SUPT3H: variants seen among roughly 807,000 people sequenced by gnomAD.
The protein encoded by SUPT3H is transcription initiation protein SPT3 homolog.
In SUPT3H, 44 loss-of-function variants were observed where a neutral mutation model predicts 44.3. The ratio of observed to expected loss-of-function variants is 0.99; its 90% CI spans 0.78 to 1.28. The LOEUF (loss-of-function observed/expected upper bound fraction) is 1.28. Among genes scored for constraint, SUPT3H ranks in the 50% most tolerant of loss-of-function variants. The pLI, the probability that SUPT3H is intolerant of heterozygous loss-of-function variation, is 0.00. For missense variants in SUPT3H, 380 were observed against 387.1 expected (o/e 0.98, Z 0.15); for synonymous variants, 124 against 125.6 (o/e 0.99, Z 0.09).
chr6:45,199,821 C>G (rs1762193170), intron 2 of SUPT3H, among the ~76,000 whole-genome samples: 1 of 151,290 alleles, frequency 6.6e-6, no homozygotes, highest in African/African-American at 2.4e-5. Flanking sequence ...TTTTTGCAAT[C>G]AATACATGAC....
intron 9 of SUPT3H, among the ~76,000 whole-genome samples, chr6:44,933,375 A>G (rs1005088647): frequency 2.0e-5 from 3 of 152,172 alleles, no homozygotes; most frequent in Non-Finnish European, 4.4e-5. Context: ...TACAAAAAAG[A>G]TAAGGATTAT....
chr6:45,161,345 A>C (rs1477995280), intron 2 of SUPT3H, among the ~76,000 whole-genome samples: 1 of 152,154 alleles, frequency 6.6e-6, no homozygotes. Flanking sequence ...GAGCCCCAAA[A>C]GAATAGTTCA....
At chr6:45,197,783 G>C (rs1344547411) in intron 2 of SUPT3H, 2 of 171,902 alleles carry the variant, frequency 1.2e-5, no homozygotes, top group Non-Finnish European at 2.9e-5. Flanking sequence ...CTTTTAATAA[G>C]AATTTGACTT....
chr6:44,838,402 T>C (rs1233577194), intron 10 of SUPT3H, among the ~76,000 whole-genome samples: 1 of 151,964 alleles, frequency 6.6e-6, no homozygotes, highest in Non-Finnish European at 1.5e-5. Context: ...AAAATGAGAA[T>C]AGAGTGTAAT....
At chr6:44,918,581 C>T (rs1166312242) in intron 10 of SUPT3H, among the ~76,000 whole-genome samples, 1 of 152,182 alleles carries the variant, frequency 6.6e-6, no homozygotes, top group Admixed American at 6.5e-5. Flanking sequence ...TATACCAACT[C>T]ATCTTGGAGT....
chr6:45,029,097 C>T (rs1252997253), intron 3 of SUPT3H, among the ~76,000 whole-genome samples: 2 of 151,430 alleles, frequency 1.3e-5, no homozygotes, highest in South Asian at 4.2e-4. Context: ...ACCATATAAT[C>T]GTATTATTCT....
At chr6:44,917,725 C>A (rs1768035305) in intron 10 of SUPT3H, among the ~76,000 whole-genome samples, 1 of 152,152 alleles carries the variant, frequency 6.6e-6, no homozygotes, top group African/African-American at 2.4e-5. Flanking sequence ...TCTATCCTTG[C>A]TTACAATAGT....
intron 6 of SUPT3H, among the ~76,000 whole-genome samples, chr6:44,969,989 T>C (rs1777337649): frequency 6.6e-6 from 1 of 152,190 alleles, no homozygotes; most frequent in African/African-American, 2.4e-5. Context: ...GTACAAAGCA[T>C]CAGTGATTGA....
At chr6:44,823,570 G>C (rs1048050544), downstream of SUPT3H, among the ~76,000 whole-genome samples, 6 of 152,198 alleles carry the variant, frequency 3.9e-5, no homozygotes, top group African/African-American at 1.4e-4. Flanking sequence ...ACTCTTGAGA[G>C]GAGCTGCCAC....
At chr6:45,324,509 G>T (rs185218101) in intron 2 of SUPT3H, among the ~76,000 whole-genome samples, 10 of 151,830 alleles carry the variant, frequency 6.6e-5, no homozygotes, top group Admixed American at 6.6e-4. Flanking sequence ...CTACTTTGAG[G>T]CTGTATAGAA....
At chr6:44,862,329 C>T (rs1774782634) in intron 10 of SUPT3H, among the ~76,000 whole-genome samples, 1 of 151,934 alleles carries the variant, frequency 6.6e-6, no homozygotes. Context: ...GTGAAGTGCC[C>T]TCTACTTGCT....
intron 7 of SUPT3H, among the ~76,000 whole-genome samples, chr6:44,955,667 G>A (rs1314332545): frequency 6.6e-6 from 1 of 152,100 alleles, no homozygotes; most frequent in Non-Finnish European, 1.5e-5. Context: ...ATAACTGAGA[G>A]CTAAACTATG....
chr6:45,121,913 T>TG (rs1279265703), intron 2 of SUPT3H, among the ~76,000 whole-genome samples: 1 of 151,900 alleles, frequency 6.6e-6, no homozygotes, highest in African/African-American at 2.4e-5. Flanking sequence ...CCTGACCTCA[T>TG]GATCCACCCG....
chr6:45,107,647 C>G (rs1799466721), intron 2 of SUPT3H, among the ~76,000 whole-genome samples: 1 of 152,078 alleles, frequency 6.6e-6, no homozygotes, highest in Non-Finnish European at 1.5e-5. Context: ...CCACAGGTAC[C>G]TTGTAGAAAC....
intron 3 of SUPT3H, among the ~76,000 whole-genome samples, chr6:45,047,434 T>G (rs190156310): frequency 5.3e-5 from 8 of 152,242 alleles, no homozygotes; most frequent in Admixed American, 5.2e-4. Flanking sequence ...GTTCTTAGTA[T>G]GCAAGAAAGG....
chr6:45,274,168 A>G (rs1165025989), intron 2 of SUPT3H, among the ~76,000 whole-genome samples: 1 of 152,190 alleles, frequency 6.6e-6, no homozygotes, highest in Non-Finnish European at 1.5e-5. Flanking sequence ...GTTGACTTGT[A>G]AGAGGTTCTT....
intron 2 of SUPT3H, among the ~76,000 whole-genome samples, chr6:45,355,182 A>C (rs913084936): frequency 6.6e-6 from 1 of 150,610 alleles, no homozygotes; most frequent in Non-Finnish European, 1.5e-5. Flanking sequence ...GACTGGTCTT[A>C]AACTCCTGGG....
In SUPT3H at chr6:45,305,659, C is replaced by T. The variant is rs545138215; in HGVS notation, c.101+59542G>A. ...ACATTGCTATTAGATGATTCAAAAC[C>T]ATACATCATGTAACTCCTTGCCTTA... On this transcript the variant is annotated intron_variant, in intron 2 of 10. Transcript: ENST00000371459. Among the ~76,000 whole-genome samples, 4 of 152,220 alleles carry T rather than the reference C, an allele frequency of 2.6e-5. 1 individual carries two copies. The highest frequency in any genetic ancestry group is 2.6e-4 in the Admixed American group (4 of 15,294).
chr6:45,300,554 A>G (rs560820534), intron 2 of SUPT3H, among the ~76,000 whole-genome samples: 19 of 152,342 alleles, frequency 1.2e-4, no homozygotes, highest in Admixed American at 3.3e-4. Flanking sequence ...ATATGATGAG[A>G]TAATTCTACT....
Sources: allele counts gnomAD v4.1 joint callset (sites outside exome capture counted in the v4.1 genomes callset), GRCh38; gene constraint gnomAD v4.1.1; transcripts MANE v1.5; gene names NCBI Gene and HGNC (gene_info 2026-07-23, HGNC 2026-07-21).